Variants in PARP8 observed in about 807,000 individuals in gnomAD.
PARP8 encodes poly(ADP-ribose) polymerase family member 8.
A neutral mutation model predicts 124.1 loss-of-function variants in PARP8; 51 were observed. The ratio of observed to expected loss-of-function variants is 0.41; its 90% CI spans 0.33 to 0.52. The LOEUF is 0.52. Among genes scored for constraint, PARP8 ranks in the 20% least tolerant of loss-of-function variants. The pLI is 0.21. For synonymous variants in PARP8, 391 were observed against 361.5 expected, an observed-to-expected ratio of 1.08 and a Z score of -0.93; for missense variants, 860 against 1,018.9, an observed-to-expected ratio of 0.84 and a Z score of 2.12.
At chr5:50,775,038 G>A (rs1031357981) in intron 7 of PARP8, among the ~76,000 whole-genome samples, 1 of 148,878 alleles carries the variant, frequency 6.7e-6, no homozygotes, top group African/African-American at 2.5e-5. Context: ...CCTAGATGGG[G>A]TGGCAGCTGG....
intron 23 of PARP8, 42 bp downstream of exon 23, chr5:50,832,896 G>T: frequency 6.4e-7 from 1 of 1,567,972 alleles, no homozygotes; most frequent in Non-Finnish European, 8.8e-7. Flanking sequence ...TTAGTGAACT[G>T]TGGCCTCATC....
chr5:50,735,441 T>C (rs1757378944), intron 2 of PARP8, among the ~76,000 whole-genome samples: 1 of 152,162 alleles, frequency 6.6e-6, no homozygotes, highest in South Asian at 2.1e-4. Flanking sequence ...AGACACATCA[T>C]AGGCCAAATT....
chr5:50,676,556 A>T (rs1740983154), intron 2 of PARP8, among the ~76,000 whole-genome samples: 1 of 152,210 alleles, frequency 6.6e-6, no homozygotes, highest in Non-Finnish European at 1.5e-5. Context: ...GAGATGGATA[A>T]TGATTCTGTG....
intron 22 of PARP8, among the ~76,000 whole-genome samples, chr5:50,831,659 A>T (rs528597522): frequency 1.3e-5 from 2 of 152,314 alleles, no homozygotes; most frequent in African/African-American, 4.8e-5. Flanking sequence ...CAGCATAAAG[A>T]AAAAACACAG....
At chr5:50,682,330 A>G (rs1376883214) in intron 2 of PARP8, among the ~76,000 whole-genome samples, 1 of 152,126 alleles carries the variant, frequency 6.6e-6, no homozygotes, top group Admixed American at 6.6e-5. Context: ...TAAATTGTTC[A>G]TTTCATTTGA....
In PARP8 at chr5:50,828,149, A is replaced by G. The variant is rs1746548900; in HGVS notation, c.2090+93A>G. On this transcript the variant is annotated intron_variant, in intron 20 of 25. Coordinates refer to ENST00000281631, the MANE Select transcript of PARP8 (RefSeq NM_024615.4). Reference sequence around the variant, plus strand: ...TATCACTGTCTTTCAGTAAATGATCATTCAGTAGATGGTCATTCAACAGAT... The same window carrying G: ...TATCACTGTCTTTCAGTAAATGATCGTTCAGTAGATGGTCATTCAACAGAT... 3.4e-6 allele frequency: 4 copies of G among 1,160,322 alleles called. No homozygotes were observed. The African/African-American group carries it at 6.1e-5, about 18-fold the overall frequency. 71.9% of individuals were successfully genotyped at this position (1,160,322 alleles called of 1,614,324 possible).
chr5:50,801,731 C>T (rs1241575703), intron 14 of PARP8, among the ~76,000 whole-genome samples: 1 of 152,122 alleles, frequency 6.6e-6, no homozygotes, highest in African/African-American at 2.4e-5. Flanking sequence ...AAGGCTCTGA[C>T]TATTATTGTT....
At chr5:50,667,627 C>T in intron 1 of PARP8, 1 of 699,118 alleles carries the variant, frequency 1.4e-6, no homozygotes, top group South Asian at 1.5e-5. Context: ...CGCCGAGGAC[C>T]CCCGGGGGGC....
At chr5:50,750,320 G>C (rs900697303) in intron 3 of PARP8, 132 bp downstream of exon 3, 36 of 697,818 alleles carry the variant, frequency 5.2e-5, no homozygotes, top group Admixed American at 8.3e-5. Flanking sequence ...TAAAGCTATA[G>C]AAGAATTCTG....
At chr5:50,761,637 C>T (rs1342405012) in intron 5 of PARP8, among the ~76,000 whole-genome samples, 184 bp from the exon 6 acceptor site, 1 of 152,016 alleles carries the variant, frequency 6.6e-6, no homozygotes, top group Non-Finnish European at 1.5e-5. Context: ...AGGTGTGCTG[C>T]TGAATACACT....
intron 17 of PARP8, among the ~76,000 whole-genome samples, chr5:50,823,130 G>A (rs182791782): frequency 6.6e-6 from 1 of 152,324 alleles, no homozygotes; most frequent in East Asian, 1.9e-4. Context: ...CTGCCTTAGA[G>A]ACCCTTGCAG....
At chr5:50,805,074 G>A (rs573716501) in intron 14 of PARP8, among the ~76,000 whole-genome samples, 3 of 152,170 alleles carry the variant, frequency 2.0e-5, no homozygotes, top group African/African-American at 7.2e-5. Context: ...AGTTGACTCA[G>A]GCCATTTTTG....
intron 14 of PARP8, among the ~76,000 whole-genome samples, chr5:50,807,376 A>G (rs1743972093): frequency 6.6e-6 from 1 of 152,036 alleles, no homozygotes; most frequent in South Asian, 2.1e-4. Context: ...TTAACATCCC[A>G]AGAATTGTTC....
intron 2 of PARP8, among the ~76,000 whole-genome samples, chr5:50,684,632 T>TG (rs1428513457): frequency 1.3e-5 from 2 of 152,168 alleles, no homozygotes; most frequent in African/African-American, 4.8e-5. Flanking sequence ...AGAGAACTTA[T>TG]GACAATATTT....
intron 2 of PARP8, among the ~76,000 whole-genome samples, chr5:50,705,013 T>G (rs527833864): frequency 2.6e-5 from 4 of 152,218 alleles, no homozygotes; most frequent in Non-Finnish European, 2.9e-5. Flanking sequence ...GTGGGACAAA[T>G]ATGACATTTA....
intron 9 of PARP8, among the ~76,000 whole-genome samples, chr5:50,779,820 G>A (rs12658769): frequency 0.14 from 20,639 of 152,090 alleles, 1,470 homozygotes; most frequent in East Asian, 0.19. Flanking sequence ...AAACATACTT[G>A]TTCTTTCAAA....
chr5:50,813,166 C>T (rs1347551993), intron 14 of PARP8, among the ~76,000 whole-genome samples: 1 of 152,172 alleles, frequency 6.6e-6, no homozygotes, highest in African/African-American at 2.4e-5. Flanking sequence ...GGCATTGAAT[C>T]TATAAATTAC....
At chr5:50,765,892 G>A (rs1761008686) in intron 7 of PARP8, among the ~76,000 whole-genome samples, 1 of 152,152 alleles carries the variant, frequency 6.6e-6, no homozygotes, top group Non-Finnish European at 1.5e-5. Flanking sequence ...GTTCTAATTA[G>A]CTGTTCTTTT....
In PARP8 at chr5:50,778,629, A is replaced by G. The variant is rs369907021; in HGVS notation, c.649A>G (p.Thr217Ala). ...AATTGTTCGACTACACTGTTCACTT[A>G]CACAGTATTTAAATGGCCCAGGTTA... Reference protein sequence around the residue: ...PIIVRLHCSLTQYLNGPVPTV... With the variant: ...PIIVRLHCSLAQYLNGPVPTV... The change falls in exon 9 of 26, where the codon ACA (threonine) becomes GCA (alanine). Residue 217 changes from threonine (T) to alanine (A), a missense_variant. Thr to Ala is a moderately conservative substitution (Grantham distance 58). Around this residue, in one of 2 missense-constraint regions of PARP8, gnomAD observed 517 missense variants for 544.2 expected, o/e 0.95. Transcript: ENST00000281631. The G allele has an allele frequency of 1.1e-5, 17 of 1,603,698 alleles. No homozygotes were observed. In the African/African-American group the frequency reaches 1.9e-4, roughly 18 times the overall value.
Sources: allele counts gnomAD v4.1 joint callset (sites outside exome capture counted in the v4.1 genomes callset), GRCh38; gene constraint gnomAD v4.1.1; regional missense constraint gnomAD v4.1.1; transcripts MANE v1.5; gene names NCBI Gene and HGNC (gene_info 2026-07-23, HGNC 2026-07-21).